WEE2: variants seen among roughly 807,000 people sequenced by gnomAD.
WEE2 encodes WEE2 oocyte meiosis inhibiting kinase, also known as wee1-like protein kinase 2.
A neutral mutation model predicts 60.1 loss-of-function variants in WEE2; 50 were observed. That is an observed-to-expected ratio of 0.83 (90% CI 0.66 to 1.05). The LOEUF (loss-of-function observed/expected upper bound fraction) is 1.05. WEE2 is among the 50% of genes least tolerant of loss of function. The pLI is 0.00. For synonymous variants in WEE2, 240 were observed against 241.0 expected (o/e 1.00, Z 0.04); for missense variants, 631 against 684.3 (o/e 0.92, Z 0.87).
intron 1 of WEE2, among the ~76,000 whole-genome samples, chr7:141,709,886 G>A (rs1463041796): frequency 6.6e-6 from 1 of 152,166 alleles, no homozygotes; most frequent in Non-Finnish European, 1.5e-5. Flanking sequence ...GTGCCATGGT[G>A]TGTGAGTCCT....
chr7:141,723,428 A>G, intron 6 of WEE2, 148 bp downstream of exon 6: 1 of 950,492 alleles, frequency 1.1e-6, no homozygotes, highest in Non-Finnish European at 1.6e-6. Context: ...AAAAAAAATC[A>G]GTTAAATAGT....
At position 141,708,959 on chromosome 7, in the gene WEE2, C is replaced by T; in HGVS notation, c.201C>T (p.Asp67=). Reference sequence around the variant, plus strand: ...CCCTTAGCAACGTGCATGAGCTCGACACATCTTCGGAAAAAGACAAAGAAA... The same window carrying T: ...CCCTTAGCAACGTGCATGAGCTCGATACATCTTCGGAAAAAGACAAAGAAA... The part of the protein sequence containing the change: ...WTPLSNVHEL[D]TSSEKDKESP... Residue 67 remains aspartate (D), a synonymous_variant, in exon 1 of 12, where the codon GAC becomes GAT. Coordinates refer to ENST00000397541, the MANE Select transcript of WEE2 (RefSeq NM_001105558.1). 2 of 1,614,132 alleles carry T rather than the reference C, an allele frequency of 1.2e-6. No individual in the cohort carries two copies. Among genetic ancestry groups the T allele is most frequent in the Non-Finnish European group, 1.7e-6 (2 of 1,180,000 alleles).
At chr7:141,716,365 CCCTTCTT>C (rs1798797259) in intron 3 of WEE2, 98 bp downstream of exon 3, 5 of 1,152,904 alleles carry the variant, frequency 4.3e-6, no homozygotes, top group African/African-American at 1.6e-5. Flanking sequence ...CCTCCCTCCT[CCCTTCTT>C]CCCTACCCTC....
intron 8 of WEE2, among the ~76,000 whole-genome samples, chr7:141,724,817 C>T (rs547470792): frequency 6.6e-6 from 1 of 152,314 alleles, no homozygotes; most frequent in South Asian, 2.1e-4. Flanking sequence ...AAGTTTCTGC[C>T]TTGGACTCCT....
intron 10 of WEE2, 105 bp downstream of exon 10, chr7:141,727,551 C>T: frequency 1.4e-6 from 2 of 1,429,594 alleles, no homozygotes; most frequent in East Asian, 4.6e-5. Context: ...TAAATATATT[C>T]ACCATTATAA....
At chr7:141,723,341 A>T in intron 6 of WEE2, 61 bp downstream of exon 6, 2 of 1,561,426 alleles carry the variant, frequency 1.3e-6, no homozygotes, top group Non-Finnish European at 8.7e-7. Context: ...CTATCATCAA[A>T]ATCTAGGTCT....
intron 2 of WEE2, 148 bp downstream of exon 2, chr7:141,714,553 G>A (rs1798765790): frequency 1.6e-6 from 1 of 627,490 alleles, no homozygotes; most frequent in Non-Finnish European, 2.7e-6. Flanking sequence ...AGATATCAAT[G>A]CTGGTTTTAC....
chr7:141,709,588 T>C (rs915284162), intron 1 of WEE2, among the ~76,000 whole-genome samples: 1 of 152,208 alleles, frequency 6.6e-6, no homozygotes, highest in Non-Finnish European at 1.5e-5. Flanking sequence ...TACTTTCTAA[T>C]ATAAGAACGT....
chr7:141,711,922 C>T lies in WEE2; in HGVS notation c.343-2287C>T, dbSNP rs897876849. 2.0e-5 allele frequency: 3 copies of T among 152,138 alleles called. No homozygotes were observed. The East Asian group carries it at 5.8e-4, about 29-fold the overall frequency. The allele number at this position is 152,138 out of a possible 1,614,324, so 9.4% of individuals were successfully genotyped here. A position where few individuals can be genotyped will look rare whatever the true frequency, so the allele number is the denominator to read the frequency against. On this transcript the variant is annotated intron_variant, in intron 1 of 11. Transcript: ENST00000397541. This position sits in a 1 kb window ranked among gnomAD's most constrained non-coding sequence, Gnocchi z 4.2. ...CAAGACAGGAAGGAAGTGTCAGGCT[C>T]ATTTTAAACAACCAGATCTGGTGTG...
chr7:141,721,119 A>G, intron 5 of WEE2, 63 bp downstream of exon 5: 1 of 1,598,064 alleles, frequency 6.3e-7, no homozygotes, highest in East Asian at 2.2e-5. Context: ...CTTCAGAAAT[A>G]AACTTTCCCT....
chr7:141,723,882 T>A, intron 6 of WEE2, 59 bp from the exon 7 acceptor site: 1 of 1,146,796 alleles, frequency 8.7e-7, no homozygotes, highest in South Asian at 1.5e-5. Flanking sequence ...GAAAAGAATC[T>A]TTGAGAGGAA....
chr7:141,718,989 A>T, intron 3 of WEE2, 83 bp from the exon 4 acceptor site: 1 of 1,393,264 alleles, frequency 7.2e-7, no homozygotes, highest in Non-Finnish European at 9.8e-7. Flanking sequence ...ACTTGGAGCA[A>T]CTTAGGACTG....
At position 141,724,214 on chromosome 7, in the gene WEE2, T is replaced by C. The variant is rs756202556; in HGVS notation, c.1160T>C (p.Ile387Thr). 10 of 1,613,666 alleles carry C rather than the reference T, an allele frequency of 6.2e-6. No individual in the cohort carries two copies. Among genetic ancestry groups the C allele is most frequent in the Middle Eastern group, 1.7e-4 (1 of 6,058 alleles). ...GGTGACCTGGGCCACGCAACATCAATAAACAAACCCAAAGTGGAAGAAGGA... is the reference window on the plus strand; with the variant it reads ...GGTGACCTGGGCCACGCAACATCAACAAACAAACCCAAAGTGGAAGAAGGA... ...KIGDLGHATS[I>T]NKPKVEEGDS... is the part of the protein sequence containing the mutation. The change falls in exon 8 of 12, where the codon ATA becomes ACA. Residue 387 changes from isoleucine to threonine, a missense_variant. Coordinates refer to ENST00000397541, the MANE Select transcript of WEE2 (RefSeq NM_001105558.1).
chr7:141,714,557 G>A (rs1027277168), intron 2 of WEE2, 152 bp downstream of exon 2: 15 of 609,036 alleles, frequency 2.5e-5, no homozygotes, highest in African/African-American at 3.8e-5. Context: ...ATCAATGCTG[G>A]TTTTACCTGC....
intron 10 of WEE2, among the ~76,000 whole-genome samples, chr7:141,728,580 T>C (rs1799061847): frequency 6.6e-6 from 1 of 152,222 alleles, no homozygotes. Context: ...GGAAGCCAGC[T>C]ATGGAGACAC....
At chr7:141,709,568 T>G (rs992148556) in intron 1 of WEE2, among the ~76,000 whole-genome samples, 1 of 152,222 alleles carries the variant, frequency 6.6e-6, no homozygotes, top group Non-Finnish European at 1.5e-5. Flanking sequence ...TTTGTGTGAT[T>G]ATTTACTAAT....
rs137863922 is a variant in WEE2 at position 141,723,994 on chromosome 7, G to C, written c.1081G>C (p.Glu361Gln). 6.2e-7 allele frequency: 1 copy of C among 1,613,366 alleles called. No homozygotes were observed. The highest frequency in any genetic ancestry group is 2.2e-5 in the East Asian group (1 of 44,816). Residue 361 changes from glutamate to glutamine, a missense_variant, in exon 7 of 12, where the codon GAA (glutamate) becomes CAA (glutamine). Coordinates refer to ENST00000397541, the MANE Select transcript of WEE2 (RefSeq NM_001105558.1). ...MQSESSGVIE[E>Q]VENEADWFLS... ...AAGTGAATCCTCTGGAGTCATAGAA[G>C]AAGTTGAAAATGAAGCTGATTGGTT...
intron 10 of WEE2, chr7:141,727,657 T>C: frequency 3.7e-6 from 2 of 538,560 alleles, no homozygotes; most frequent in South Asian, 7.3e-5. Flanking sequence ...AGAGAGAAAA[T>C]TCCAGTTAAC....
intron 1 of WEE2, 134 bp from the exon 2 acceptor site, chr7:141,714,075 A>T (rs1462178630): frequency 4.5e-6 from 3 of 661,474 alleles, no homozygotes; most frequent in Non-Finnish European, 5.1e-6. Flanking sequence ...CAATGCAACC[A>T]GTTCACATGG....
Sources: gnomAD v4.1 joint callset for allele counts (sites outside exome capture counted in the v4.1 genomes callset) on GRCh38, gnomAD v4.1.1 for gene constraint, Gnocchi (gnomAD v3.1) non-coding constraint, MANE v1.5 for transcripts, NCBI Gene and HGNC (gene_info 2026-07-23, HGNC 2026-07-21) for gene names.